Variants in ZCRB1 observed in about 807,000 individuals in gnomAD.
ZCRB1 encodes zinc finger CCHC-type and RNA binding motif containing 1.
ZCRB1 carries 21 observed loss-of-function variants against 29.9 expected under a neutral mutation model. That is an observed-to-expected ratio of 0.70 (90% CI 0.50 to 1.01). ZCRB1 has a LOEUF of 1.01. Among genes scored for constraint, ZCRB1 ranks in the 50% least tolerant of loss-of-function variants. The pLI is 0.00. For synonymous variants in ZCRB1, 77 were observed against 80.0 expected (o/e 0.96, Z 0.20); for missense variants, 204 against 253.3 (o/e 0.81, Z 1.32).
rs752379848 is a variant in ZCRB1, at chr12:42,317,779, T to C, written c.225+8A>G. On this transcript the variant is annotated splice_region_variant and intron_variant, in intron 4 of 7. Coordinates refer to ENST00000266529, the MANE Select transcript of ZCRB1 (RefSeq NM_033114.4). ...GGCTAAAAACCTTGATGGAGATGAA[T>C]AGCTTACCTGTTTGTTGTTTATTGC... 1.4e-5 allele frequency: 22 copies of C among 1,610,502 alleles called. No homozygotes were observed. The highest frequency in any genetic ancestry group is 1.3e-4 in the South Asian group (12 of 90,692).
In ZCRB1 at chr12:42,313,020, T is replaced by C. The variant is rs77065391; in HGVS notation, c.*47A>G. On this transcript the variant is annotated 3_prime_UTR_variant, in exon 8 of 8. Coordinates refer to ENST00000266529, the MANE Select transcript of ZCRB1 (RefSeq NM_033114.4). ...TTTTATTAAAATTAGCTCTTCAAGA[T>C]TGTTACTAACAAATCTTGATTTTTA... 3.4e-3 allele frequency: 5,040 copies of C among 1,490,612 alleles called. 173 individuals are homozygous for C. In the African/African-American group the frequency reaches 0.064, roughly 19 times the overall value. 92.3% of individuals were successfully genotyped at this position (1,490,612 alleles called of 1,614,324 possible). A position where few individuals can be genotyped will look rare whatever the true frequency, so the allele number is the denominator to read the frequency against.
chr12:42,314,821 A>G (rs2068587330), intron 5 of ZCRB1, among the ~76,000 whole-genome samples: 1 of 152,066 alleles, frequency 6.6e-6, no homozygotes, highest in African/African-American at 2.4e-5. Context: ...GCTTGGTGGC[A>G]TATGCCTGTA....
intron 6 of ZCRB1, 44 bp downstream of exon 6, chr12:42,313,830 C>T (rs202175958): frequency 6.2e-6 from 10 of 1,610,460 alleles, no homozygotes; most frequent in Middle Eastern, 3.3e-4. Context: ...AACCAAAAGA[C>T]AAAAGCAACA....
intron 2 of ZCRB1, among the ~76,000 whole-genome samples, chr12:42,323,223 G>T (rs1408991201): frequency 6.6e-6 from 1 of 152,178 alleles, no homozygotes; most frequent in Non-Finnish European, 1.5e-5. Flanking sequence ...GGATAGCAGT[G>T]TTAGCAACAC....
At chr12:42,314,060 T>C in intron 5 of ZCRB1, 74 bp from the exon 6 acceptor site, 4 of 1,491,064 alleles carry the variant, frequency 2.7e-6, no homozygotes, top group South Asian at 2.6e-5. Context: ...CCTGGTACCT[T>C]ATTACTAAAA....
At chr12:42,320,263 C>G (rs1005027498) in intron 3 of ZCRB1, among the ~76,000 whole-genome samples, 7 of 152,142 alleles carry the variant, frequency 4.6e-5, no homozygotes, top group African/African-American at 1.7e-4. Flanking sequence ...AAGCATATCA[C>G]TAAATAGTAC....
rs753927739 is a variant in ZCRB1, at chr12:42,313,985, T to C, written c.335A>G (p.Glu112Gly). The C allele has an allele frequency of 1.3e-6, 2 of 1,581,488 alleles. No individual in the cohort carries two copies. Among genetic ancestry groups the C allele is most frequent in the East Asian group, 4.5e-5 (2 of 44,732 alleles). ...FDKSKCYECG[E>G]SGHLSYACPK... ...ACAGGCATAACTTAAGTGTCCACTT[T>C]CCTTTTGTTTCCCATTAAAAAGGAA... is the stretch of plus-strand genomic sequence containing the variant. The change falls in exon 6 of 8, where the codon GAA (glutamate) becomes GGA (glycine). Residue 112 changes from glutamate to glycine, a missense_variant and splice_region_variant. By Grantham distance (98) the Glu-to-Gly change is moderately conservative. Coordinates refer to ENST00000266529, the MANE Select transcript of ZCRB1 (RefSeq NM_033114.4).
Position 42,317,898 on chromosome 12 carries a change from C to T in ZCRB1, c.114G>A (p.Lys38=), listed in dbSNP as rs915964372. ...TATCTTTATCTTTCATGATGGTAACCCTTAAAGCATAAACAAAGAGTTAAA... is the reference window on the plus strand; with the variant it reads ...TATCTTTATCTTTCATGATGGTAACTCTTAAAGCATAAACAAAGAGTTAAA... ...RIFSKYGKVV[K]VTIMKDKDTR... is the part of the protein sequence containing the mutation. The change falls in exon 4 of 8, where the codon AAG becomes AAA. Residue 38 remains lysine, a splice_region_variant and synonymous_variant. Coordinates refer to ENST00000266529, the MANE Select transcript of ZCRB1 (RefSeq NM_033114.4). The T allele has an allele frequency of 6.2e-7, 1 of 1,606,810 alleles. No homozygotes were observed. The highest frequency in any genetic ancestry group is 2.2e-5 in the East Asian group (1 of 44,740).
intron 5 of ZCRB1, among the ~76,000 whole-genome samples, chr12:42,315,805 G>T (rs1746821680): frequency 1.3e-5 from 2 of 152,024 alleles, no homozygotes; most frequent in East Asian, 1.9e-4. Context: ...CAAAACTTTG[G>T]AAAAGTTTCT....
chr12:42,314,045 A>C lies in ZCRB1; in HGVS notation c.334-59T>G. 2.6e-6 allele frequency: 4 copies of C among 1,540,428 alleles called. No homozygotes were observed. In the South Asian group the frequency reaches 5.0e-5, roughly 19 times the overall value. ...ACCATATTTGATGTTATTTATAAAA[A>C]CTTGCCTGGTACCTTATTACTAAAA... On this transcript the variant is annotated intron_variant, in intron 5 of 7. Coordinates refer to ENST00000266529, the MANE Select transcript of ZCRB1 (RefSeq NM_033114.4).
rs1715451661 is a variant in ZCRB1, at chr12:42,312,836, C to T, written c.*231G>A. 2 of 313,960 alleles carry T rather than the reference C, an allele frequency of 6.4e-6. No homozygotes were observed. Among genetic ancestry groups the T allele is most frequent in the African/African-American group, 4.3e-5 (2 of 46,404 alleles). The allele number at this position is 313,960 out of a possible 1,614,324, so 19.4% of individuals were successfully genotyped here. A position where few individuals can be genotyped will look rare whatever the true frequency, so the allele number is the denominator to read the frequency against. ...ATAAATCATTCAACTTTTCGGTCTT[C>T]AGGAAGTTTGTTTTAAGGATTAATT... On this transcript the variant is annotated 3_prime_UTR_variant, in exon 8 of 8. Coordinates refer to ENST00000266529, the MANE Select transcript of ZCRB1 (RefSeq NM_033114.4).
rs1680027018 is a variant in ZCRB1, at chr12:42,312,248, G to A, written c.*819C>T. 6.6e-6 allele frequency: 1 copy of A among 151,922 alleles called. No homozygotes were observed. The highest frequency in any genetic ancestry group is 1.5e-5 in the Non-Finnish European group (1 of 67,966). 9.4% of individuals were successfully genotyped at this position (151,922 alleles called of 1,614,324 possible). On this transcript the variant is annotated 3_prime_UTR_variant, in exon 8 of 8. Coordinates refer to ENST00000266529, the MANE Select transcript of ZCRB1 (RefSeq NM_033114.4). ...AAATATACAAAGCAGAAAATTAAAG[G>A]CTCTCTAATCCCATTACCATATACC...
chr12:42,323,536 C>T (rs1041735308), intron 2 of ZCRB1, among the ~76,000 whole-genome samples: 1 of 152,056 alleles, frequency 6.6e-6, no homozygotes, highest in Non-Finnish European at 1.5e-5. Context: ...ACCTTTCCTG[C>T]GTTATTTTTT....
chr12:42,322,131 G>T (rs2068624725), intron 3 of ZCRB1, among the ~76,000 whole-genome samples: 2 of 151,960 alleles, frequency 1.3e-5, no homozygotes, highest in Admixed American at 1.3e-4. Flanking sequence ...CAAAATATTT[G>T]TTTACCATTA....
intron 5 of ZCRB1, among the ~76,000 whole-genome samples, chr12:42,317,074 T>C (rs886168423): frequency 6.6e-6 from 1 of 152,164 alleles, no homozygotes; most frequent in Non-Finnish European, 1.5e-5. Flanking sequence ...CAGGGTGTGA[T>C]GGTGCATGCC....
intron 5 of ZCRB1, among the ~76,000 whole-genome samples, chr12:42,316,838 C>G (rs952491324): frequency 2.6e-5 from 4 of 152,154 alleles, no homozygotes; most frequent in African/African-American, 7.2e-5. Flanking sequence ...AGAGAAAATA[C>G]CACTTTGTAT....
At chr12:42,314,431 AT>A (rs1565691488) in intron 5 of ZCRB1, among the ~76,000 whole-genome samples, 3 of 127,150 alleles carry the variant, frequency 2.4e-5, no homozygotes, top group Admixed American at 8.0e-5. Context: ...AAAAAAAAAA[AT>A]TAGTTGGGCA....
chr12:42,314,593 A>AT (rs200716337), intron 5 of ZCRB1, among the ~76,000 whole-genome samples: 22,425 of 150,908 alleles, frequency 0.15, 1,756 homozygotes, highest in Admixed American at 0.2. Flanking sequence ...AAAAAAAAAA[A>AT]ATCAAAATTT....
At chr12:42,319,514 C>T (rs11181418) in intron 3 of ZCRB1, among the ~76,000 whole-genome samples, 27,967 of 152,136 alleles carry the variant, frequency 0.18, 2,805 homozygotes, top group African/African-American at 0.25. Flanking sequence ...GCTCCAGTAG[C>T]ATGGCCTGTA....
Sources: allele counts gnomAD v4.1 joint callset (sites outside exome capture counted in the v4.1 genomes callset), GRCh38; gene constraint gnomAD v4.1.1; transcripts MANE v1.5; gene names NCBI Gene and HGNC (gene_info 2026-07-23, HGNC 2026-07-21).